CHURC1: variants seen among roughly 807,000 people sequenced by gnomAD.
The protein encoded by CHURC1 is churchill domain containing 1.
CHURC1 carries 12 observed loss-of-function variants against 15.4 expected under a neutral mutation model. The ratio of observed to expected loss-of-function variants is 0.78; its 90% confidence interval spans 0.50 to 1.27. The LOEUF is 1.27. Ranked by LOEUF, CHURC1 falls within the 50% of genes most tolerant of loss-of-function variation. The pLI, the probability that CHURC1 is intolerant of heterozygous loss-of-function variation, is 0.00. For missense variants in CHURC1, 132 were observed against 137.8 expected (o/e 0.96, Z 0.21); for synonymous variants, 42 against 47.5 (o/e 0.88, Z 0.48).
At chr14:64,929,679 A>C (rs1411276839) in intron 3 of CHURC1, among the ~76,000 whole-genome samples, 1 of 152,110 alleles carries the variant, frequency 6.6e-6, no homozygotes, top group East Asian at 1.9e-4. Flanking sequence ...TTTATATTTC[A>C]CCATTCTCAT....
At chr14:64,924,509 C>G (rs951684859) in intron 2 of CHURC1, 1 of 153,016 alleles carries the variant, frequency 6.5e-6, no homozygotes, top group African/African-American at 2.4e-5. Context: ...ACCATGATAT[C>G]CTCCAACAGC....
intron 1 of CHURC1, among the ~76,000 whole-genome samples, chr14:64,918,272 ATAAT>A (rs1392201676): frequency 1.3e-5 from 2 of 152,214 alleles, no homozygotes; most frequent in East Asian, 3.8e-4. Flanking sequence ...AGATTTAGAA[ATAAT>A]TAGTGGGTGG....
At chr14:64,927,713 C>A (rs1256418419) in intron 3 of CHURC1, among the ~76,000 whole-genome samples, 3 of 57,716 alleles carry the variant, frequency 5.2e-5, no homozygotes, top group African/African-American at 2.7e-4. Flanking sequence ...TACTTCTCCC[C>A]CCACCCCCCC....
chr14:64,920,024 G>C (rs894457740), intron 1 of CHURC1, among the ~76,000 whole-genome samples: 8 of 151,934 alleles, frequency 5.3e-5, no homozygotes, highest in African/African-American at 1.7e-4. Context: ...CAAAAAATTG[G>C]TTCTTTAAGA....
intron 3 of CHURC1, among the ~76,000 whole-genome samples, chr14:64,926,998 G>T (rs570391793): frequency 1.3e-5 from 2 of 152,246 alleles, no homozygotes; most frequent in Admixed American, 6.5e-5. Flanking sequence ...TACTTATTTT[G>T]TGTGAACTAC....
chr14:64,931,371 A>C (rs990756976), intron 3 of CHURC1, among the ~76,000 whole-genome samples: 1 of 151,990 alleles, frequency 6.6e-6, no homozygotes, highest in Admixed American at 6.6e-5. Flanking sequence ...CCATCTCTAC[A>C]AAAAATTTAA....
chr14:64,917,961 A>G (rs547724063), intron 1 of CHURC1, among the ~76,000 whole-genome samples: 105 of 152,360 alleles, frequency 6.9e-4, no homozygotes, highest in African/African-American at 2.5e-3. Context: ...AAGTGAAGAT[A>G]TAAGACTGCA....
At chr14:64,921,798 A>G (rs141968318) in intron 1 of CHURC1, among the ~76,000 whole-genome samples, 11 of 152,350 alleles carry the variant, frequency 7.2e-5, no homozygotes, top group African/African-American at 2.6e-4. Context: ...ATATTTACCC[A>G]AGGGAAAGGA....
chr14:64,931,606 G>C (rs565213441), intron 3 of CHURC1, among the ~76,000 whole-genome samples: 1 of 151,964 alleles, frequency 6.6e-6, no homozygotes. Context: ...ACCAATCTGG[G>C]CATTTATTAA....
intron 2 of CHURC1, among the ~76,000 whole-genome samples, chr14:64,925,448 G>A (rs1481918838): frequency 6.6e-6 from 1 of 152,038 alleles, no homozygotes; most frequent in Non-Finnish European, 1.5e-5. Context: ...CCAGGAGGGT[G>A]GATCACTTGA....
rs961192197 is a variant in CHURC1 at position 64,935,204 on chromosome 14, G to A, written c.*2974G>A. Reference sequence around the variant, plus strand: ...TGTTGTGGGGTGAGGGGAGGGGTGAGGGATAGCATTAGGAGATATACCTGA... The same window carrying A: ...TGTTGTGGGGTGAGGGGAGGGGTGAAGGATAGCATTAGGAGATATACCTGA... On this transcript the variant is annotated 3_prime_UTR_variant, in exon 4 of 4. Transcript: ENST00000549115. 1 of 240,398 alleles carries A rather than the reference G, an allele frequency of 4.2e-6. No individual in the cohort carries two copies. Among genetic ancestry groups the A allele is most frequent in the African/African-American group, 2.3e-5 (1 of 42,924 alleles). 14.9% of individuals were successfully genotyped at this position (240,398 alleles called of 1,614,324 possible).
chr14:64,918,278 A>G (rs1248185366), intron 1 of CHURC1, among the ~76,000 whole-genome samples: 2 of 152,088 alleles, frequency 1.3e-5, no homozygotes, highest in East Asian at 3.8e-4. Flanking sequence ...AGAAATAATT[A>G]GTGGGTGGAT....
In CHURC1 at chr14:64,932,149, G is replaced by C; in HGVS notation, c.258G>C (p.Met86Ile). The C allele has an allele frequency of 6.2e-7, 1 of 1,613,642 alleles. No homozygotes were observed. The highest frequency in any genetic ancestry group is 8.5e-7 in the Non-Finnish European group (1 of 1,179,634). The change falls in exon 4 of 4, where the codon ATG (methionine) becomes ATC (isoleucine). Residue 86 changes from methionine to isoleucine, a missense_variant. Physicochemically the swap from Met to Ile is conservative, Grantham distance 10. Coordinates refer to ENST00000549115, the MANE Select transcript of CHURC1 (RefSeq NM_001386928.1). ...SIMDEFQEYT[M>I]LCLLCGKAED... ...TTATCTTGTTCTAGGAGTATACCAT[G>C]CTGTGTCTGTTATGCGGCAAAGCCG... is the stretch of plus-strand genomic sequence containing the variant.
chr14:64,918,664 T>C (rs985581121), intron 1 of CHURC1, among the ~76,000 whole-genome samples: 1 of 152,056 alleles, frequency 6.6e-6, no homozygotes, highest in Admixed American at 6.6e-5. Flanking sequence ...CCCATCCTTA[T>C]TAAAAATTAA....
At chr14:64,914,578 G>C (rs1456171937) in intron 1 of CHURC1, 44 bp downstream of exon 1, 1 of 1,613,334 alleles carries the variant, frequency 6.2e-7, no homozygotes, top group Admixed American at 1.7e-5. Flanking sequence ...GGCCCCCGAG[G>C]TGTCTCATAT....
chr14:64,931,254 C>G (rs746684980), intron 3 of CHURC1, among the ~76,000 whole-genome samples: 1 of 152,182 alleles, frequency 6.6e-6, no homozygotes, highest in Non-Finnish European at 1.5e-5. Flanking sequence ...GGACTTTGGG[C>G]TGGATGCAGT....
intron 3 of CHURC1, among the ~76,000 whole-genome samples, chr14:64,931,403 G>A (rs1190273891): frequency 1.3e-5 from 2 of 151,970 alleles, no homozygotes; most frequent in South Asian, 2.1e-4. Flanking sequence ...GCGTGATGCC[G>A]AGTGCTTGTA....
intron 1 of CHURC1, among the ~76,000 whole-genome samples, chr14:64,921,477 A>G (rs1029474982): frequency 2.0e-5 from 3 of 148,674 alleles, no homozygotes; most frequent in Non-Finnish European, 4.5e-5. Context: ...ACTCAAAATA[A>G]ACAACCTAAC....
intron 2 of CHURC1, 100 bp downstream of exon 2, chr14:64,924,226 T>C: frequency 2.2e-6 from 3 of 1,341,324 alleles, no homozygotes; most frequent in Non-Finnish European, 2.9e-6. Flanking sequence ...TTCAATATTG[T>C]ATTGCGCACA....
Sources: allele counts gnomAD v4.1 joint callset (sites outside exome capture counted in the v4.1 genomes callset), GRCh38; gene constraint gnomAD v4.1.1; transcripts MANE v1.5; gene names NCBI Gene and HGNC (gene_info 2026-07-23, HGNC 2026-07-21).